RSPH14: variants seen among roughly 807,000 people sequenced by gnomAD.
The protein encoded by RSPH14 is rhabdoid tumor deletion region gene 1.
A neutral mutation model predicts 26.7 loss-of-function variants in RSPH14; 20 were observed. The observed-to-expected ratio is 0.75, with a 90% CI of 0.53 to 1.09. RSPH14 has a LOEUF of 1.09. RSPH14 is among the 50% of genes least tolerant of loss of function. The pLI, the probability that RSPH14 is intolerant of heterozygous loss-of-function variation, is 0.00. For synonymous variants in RSPH14, 177 were observed against 189.3 expected, an observed-to-expected ratio of 0.93 and a Z score of 0.53; for missense variants, 449 against 457.2, an observed-to-expected ratio of 0.98 and a Z score of 0.16.
Position 23,140,357 on chromosome 22 carries a change from C to T in RSPH14, c.64G>A (p.Ala22Thr). 2.5e-6 allele frequency: 4 copies of T among 1,614,188 alleles called. No homozygotes were observed. The highest frequency in any genetic ancestry group is 3.4e-6 in the Non-Finnish European group (4 of 1,180,040). Reference protein sequence around the residue: ...ININATQITTAYGHRALPKLK... With the variant: ...ININATQITTTYGHRALPKLK... ...TTGGGCAGGGCCCGATGGCCATAGG[C>T]AGTGGTAATCTGGGTGGCATTGATG... Residue 22 changes from alanine to threonine, a missense_variant, in exon 2 of 7, where the codon GCC becomes ACC. Ala to Thr is a moderately conservative substitution (Grantham distance 58). Coordinates refer to ENST00000216036, the MANE Select transcript of RSPH14 (RefSeq NM_014433.3).
At chr22:23,180,591 C>CGGCG in the RSPH14 span, 3 of 27,622 alleles carry the variant, frequency 1.1e-4, no homozygotes, top group East Asian at 6.6e-4. Context: ...GCGGCGGCGG[C>CGGCG]ACGGCGGCGG....
chr22:23,150,012 C>T (rs1291128635), upstream of RSPH14: 13 of 1,438,484 alleles, frequency 9.0e-6, no homozygotes, highest in Middle Eastern at 1.7e-4. Context: ...GCTACGAGGG[C>T]GGAGCCACAG....
At chr22:23,145,080 A>C (rs1601874863), upstream of RSPH14, 2 of 495,660 alleles carry the variant, frequency 4.0e-6, no homozygotes, top group East Asian at 6.5e-5. Context: ...TATCTTCTGC[A>C]GCTGCAGGGT....
chr22:23,153,733 G>A, the RSPH14 span: 1 of 756,776 alleles, frequency 1.3e-6, no homozygotes, highest in Non-Finnish European at 1.5e-6. Context: ...GTCTTGCTCT[G>A]TCACCCAGGC....
the RSPH14 span, among the ~76,000 whole-genome samples, chr22:23,156,812 G>A: frequency 7.2e-5 from 11 of 152,100 alleles, no homozygotes; most frequent in East Asian, 1.9e-4. Context: ...TCGCCTCTTC[G>A]GGCCTCTCCT....
At chr22:23,116,499 C>T (rs1456272783) in intron 4 of RSPH14, among the ~76,000 whole-genome samples, 3 of 152,254 alleles carry the variant, frequency 2.0e-5, no homozygotes, top group Non-Finnish European at 4.4e-5. Flanking sequence ...ACTGAGCTAC[C>T]TCATGCAGGA....
chr22:23,180,581 GCGGCGGCGGCA>G, the RSPH14 span: 1,666 of 40,280 alleles, frequency 0.041, 21 homozygotes, highest in African/African-American at 0.2. Flanking sequence ...GGCGGCGGCG[GCGGCGGCGGCA>G]CGGCGGCGGC....
At chr22:23,151,507 G>A in the RSPH14 span, among the ~76,000 whole-genome samples, 4 of 152,188 alleles carry the variant, frequency 2.6e-5, no homozygotes, top group South Asian at 4.1e-4. Flanking sequence ...GGCAGAGGAA[G>A]TGCCTGTCAG....
chr22:23,145,057 TG>T, upstream of RSPH14: 1 of 437,230 alleles, frequency 2.3e-6, no homozygotes, highest in Non-Finnish European at 4.2e-6. Context: ...GGTCAGTAGA[TG>T]GTAGGCAGGT....
At chr22:23,161,497 C>T in the RSPH14 span, 5 of 1,608,604 alleles carry the variant, frequency 3.1e-6, no homozygotes, top group African/African-American at 1.3e-5. Context: ...CCCCTCCTTA[C>T]AGAAATGGAA....
chr22:23,172,889 G>T, the RSPH14 span, among the ~76,000 whole-genome samples: 1 of 151,558 alleles, frequency 6.6e-6, no homozygotes. Flanking sequence ...GGCGGAACTT[G>T]CAGTGAGCCG....
At chr22:23,166,044 G>C in the RSPH14 span, among the ~76,000 whole-genome samples, 1 of 151,312 alleles carries the variant, frequency 6.6e-6, no homozygotes, top group Non-Finnish European at 1.5e-5. Flanking sequence ...TACTTGGGAG[G>C]CTGAGGCAGG....
At chr22:23,108,607 A>G (rs2146354144) in intron 4 of RSPH14, among the ~76,000 whole-genome samples, 1 of 152,364 alleles carries the variant, frequency 6.6e-6, no homozygotes, top group African/African-American at 2.4e-5. Flanking sequence ...CCATGGTAGA[A>G]TGGGAAGGAG....
the RSPH14 span, chr22:23,180,044 TGGTAG>T: frequency 2.7e-6 from 1 of 363,784 alleles, no homozygotes; most frequent in Non-Finnish European, 5.2e-6. Context: ...CACTGCGGCG[TGGTAG>T]GGGCAGAGGG....
At chr22:23,076,228 C>T (rs1044151940) in intron 4 of RSPH14, among the ~76,000 whole-genome samples, 4 of 152,198 alleles carry the variant, frequency 2.6e-5, no homozygotes, top group African/African-American at 9.7e-5. Context: ...CCTTAGCACT[C>T]GCCACAGCGT....
intron 4 of RSPH14, chr22:23,131,029 C>A (rs2070351340): frequency 6.6e-6 from 1 of 152,392 alleles, no homozygotes; most frequent in African/African-American, 2.4e-5. Flanking sequence ...CAGGAACAGC[C>A]ATGGCACAGT....
At chr22:23,150,922 C>G in the RSPH14 span, among the ~76,000 whole-genome samples, 1 of 152,206 alleles carries the variant, frequency 6.6e-6, no homozygotes, top group Non-Finnish European at 1.5e-5. Flanking sequence ...TAGACCTAGC[C>G]CAAGAGGGCG....
rs189515163 is a variant in RSPH14, at chr22:23,135,422, G to A, written c.303-1278C>T. On this transcript the variant is annotated intron_variant, in intron 3 of 6. Coordinates refer to ENST00000216036, the MANE Select transcript of RSPH14 (RefSeq NM_014433.3). ...CAGGAGAATGGTGTGAACCCGGGAG[G>A]TGGAGCTTGCAGTGAGCCAAGAACG... Among the ~76,000 whole-genome samples, 412 of 151,620 alleles carry A rather than the reference G, an allele frequency of 2.7e-3. 2 individuals carry two copies. The highest frequency in any genetic ancestry group is 9.5e-3 in the African/African-American group (392 of 41,442).
Position 23,059,677 on chromosome 22 carries a change from G to A in RSPH14, c.832C>T (p.Leu278=), listed in dbSNP as rs1007107334. The change falls in exon 7 of 7, where the codon CTG becomes TTG. Residue 278 remains leucine (L), a synonymous_variant. Coordinates refer to ENST00000216036, the MANE Select transcript of RSPH14 (RefSeq NM_014433.3). ...ALEAQAIGLL[L]ELLHSPMTIA... ...GTCATGGGGGAGTGCAGCAGCTCCA[G>A]GAGCAGGCCGATGGCTTGTGCCTCC... 3.4e-5 allele frequency: 53 copies of A among 1,569,884 alleles called. No individual in the cohort carries two copies. The highest frequency in any genetic ancestry group is 4.4e-5 in the Non-Finnish European group (51 of 1,157,346).
Sources: allele counts gnomAD v4.1 joint callset (sites outside exome capture counted in the v4.1 genomes callset), GRCh38; gene constraint gnomAD v4.1.1; transcripts MANE v1.5; gene names NCBI Gene and HGNC (gene_info 2026-07-23, HGNC 2026-07-21).